The following TRIM62 variants were observed in gnomAD, a reference collection of about 807,000 sequenced individuals.
TRIM62 encodes E3 ubiquitin-protein ligase TRIM62.
TRIM62 carries 39 observed loss-of-function variants against 44.2 expected under a neutral mutation model. The ratio of observed to expected loss-of-function variants is 0.88; its 90% confidence interval spans 0.68 to 1.15. TRIM62 has a LOEUF of 1.15. Ranked by LOEUF, TRIM62 falls within the 50% of genes most tolerant of loss-of-function variation. The pLI is 0.00. For missense variants in TRIM62, 544 were observed against 665.5 expected, an observed-to-expected ratio of 0.82 and a Z score of 2.01; for synonymous variants, 278 against 292.3, an observed-to-expected ratio of 0.95 and a Z score of 0.50.
chr1:33,159,640 CGAG>C lies in TRIM62; in HGVS notation c.761+45_761+47del. On this transcript the variant is annotated intron_variant, in intron 3 of 4. Coordinates refer to ENST00000291416, the MANE Select transcript of TRIM62 (RefSeq NM_018207.3). The surrounding 1 kb of genome is among the most constrained non-coding windows in gnomAD (Gnocchi z 4.2). ...TCCACTCCCACTGCCCAGCATGGGT[CGAG>C]GAGGGGATGGTCAGCCGGGGAGGGC... 6.4e-7 allele frequency: 1 copy of C among 1,572,564 alleles called. No homozygotes were observed. Among genetic ancestry groups the C allele is most frequent in the Non-Finnish European group, 8.6e-7 (1 of 1,160,802 alleles).
chr1:33,158,473 T>C, intron 3 of TRIM62, 105 bp from the exon 4 acceptor site: 1 of 841,092 alleles, frequency 1.2e-6, no homozygotes. Context: ...GATGTGGTCA[T>C]GAGTGAGAAG....
intron 2 of TRIM62, 134 bp from the exon 3 acceptor site, chr1:33,160,078 C>A: frequency 8.7e-7 from 1 of 1,154,088 alleles, no homozygotes; most frequent in Admixed American, 2.5e-5. Flanking sequence ...GGGGAAATGT[C>A]ACATGCAAAA....
chr1:33,170,779 G>A (rs914706933), intron 1 of TRIM62, among the ~76,000 whole-genome samples: 2 of 152,174 alleles, frequency 1.3e-5, no homozygotes, highest in African/African-American at 4.8e-5. Flanking sequence ...CCATTGGGCT[G>A]TGTGACCCTA....
chr1:33,153,463 C>G (rs1338519003), intron 4 of TRIM62, among the ~76,000 whole-genome samples: 2 of 152,210 alleles, frequency 1.3e-5, no homozygotes, highest in African/African-American at 4.8e-5. Flanking sequence ...TTGGTTGTTA[C>G]AACTGAGTGG....
In TRIM62 at chr1:33,171,630, G is replaced by A. The variant is rs574539722; in HGVS notation, c.409-6064C>T. ...GTCCTTGAAAAATTTGCAGTTAGTC[G>A]AGGAGGAAGAAACTTGAATAGGTAA... On this transcript the variant is annotated intron_variant, in intron 1 of 4. Transcript: ENST00000291416. 1.8e-4 allele frequency among the ~76,000 whole-genome samples: 28 copies of A among 152,238 alleles called. 1 individual carries two copies. Among genetic ancestry groups the A allele is most frequent in the African/African-American group, 6.3e-4 (26 of 41,526 alleles).
chr1:33,181,758 A>T lies in TRIM62; in HGVS notation c.-326T>A, dbSNP rs140220578. ...AGGTTCTAGGGGGCGGGGCAGTCCTAAGGGATAGGAGCTGGGAGAAGGGGA... is the reference window on the plus strand; with the variant it reads ...AGGTTCTAGGGGGCGGGGCAGTCCTTAGGGATAGGAGCTGGGAGAAGGGGA... On this transcript the variant is annotated 5_prime_UTR_variant, in exon 1 of 5. Transcript: ENST00000291416. This position sits in a 1 kb window ranked among gnomAD's most constrained non-coding sequence, Gnocchi z 6.5. 2 of 313,208 alleles carry T rather than the reference A, an allele frequency of 6.4e-6. No homozygotes were observed. The highest frequency in any genetic ancestry group is 1.2e-5 in the Non-Finnish European group (2 of 167,624). 19.4% of individuals were successfully genotyped at this position (313,208 alleles called of 1,614,324 possible). A position where few individuals can be genotyped will look rare whatever the true frequency, so the allele number is the denominator to read the frequency against.
intron 4 of TRIM62, among the ~76,000 whole-genome samples, chr1:33,149,702 G>C (rs1645070699): frequency 1.3e-5 from 2 of 152,238 alleles, no homozygotes; most frequent in African/African-American, 4.8e-5. Flanking sequence ...TGATCCTGCT[G>C]CCTCAGCCTC....
At chr1:33,166,848 T>G (rs764290328) in intron 1 of TRIM62, among the ~76,000 whole-genome samples, 9 of 152,238 alleles carry the variant, frequency 5.9e-5, no homozygotes, top group Non-Finnish European at 1.2e-4. Flanking sequence ...GCATTGTTAG[T>G]GATCCTGGCC....
intron 4 of TRIM62, among the ~76,000 whole-genome samples, chr1:33,153,700 A>G (rs1406289530): frequency 6.6e-6 from 1 of 152,194 alleles, no homozygotes; most frequent in Non-Finnish European, 1.5e-5. Flanking sequence ...AGAGGAAGAA[A>G]CTGAAGTTCA....
At position 33,146,197 on chromosome 1, in the gene TRIM62, T is replaced by TA. The variant is rs1379886781; in HGVS notation, c.*979dup. ...TTGCAAGCCACCAGGGGCCAGGTAG[T>TA]AAATCCTTGTCTAATTAAACCAGCT... is the stretch of plus-strand genomic sequence containing the variant. On this transcript the variant is annotated 3_prime_UTR_variant, in exon 5 of 5. Coordinates refer to ENST00000291416, the MANE Select transcript of TRIM62 (RefSeq NM_018207.3). 1 of 257,106 alleles carries TA rather than the reference T, an allele frequency of 3.9e-6. No homozygotes were observed. The highest frequency in any genetic ancestry group is 7.7e-6 in the Non-Finnish European group (1 of 129,424). The allele number at this position is 257,106 out of a possible 1,614,324, so 15.9% of individuals were successfully genotyped here. A position where few individuals can be genotyped will look rare whatever the true frequency, so the allele number is the denominator to read the frequency against.
At position 33,161,494 on chromosome 1, in the gene TRIM62, T is replaced by C. The variant is rs979532870; in HGVS notation, c.505-1550A>G. On this transcript the variant is annotated intron_variant, in intron 2 of 4. Transcript: ENST00000291416. This position sits in a 1 kb window ranked among gnomAD's most constrained non-coding sequence, Gnocchi z 4.3. ...TCTACAAAGGCTCAATTAGGGCCTG[T>C]TCCCTCCCCGACGCGCGGCTGCTGG... Among the ~76,000 whole-genome samples, 1 of 152,120 alleles carries C rather than the reference T, an allele frequency of 6.6e-6. No homozygotes were observed. The highest frequency in any genetic ancestry group is 2.1e-4 in the South Asian group (1 of 4,824).
chr1:33,157,487 C>T (rs1285570086), intron 4 of TRIM62, among the ~76,000 whole-genome samples: 1 of 152,156 alleles, frequency 6.6e-6, no homozygotes, highest in East Asian at 1.9e-4. Context: ...TTCCCAGCCC[C>T]CTTCCTTATT....
intron 1 of TRIM62, chr1:33,166,223 A>G (rs1399299898): frequency 6.6e-6 from 1 of 152,294 alleles, no homozygotes; most frequent in Non-Finnish European, 1.5e-5. Flanking sequence ...CTGATCCTAC[A>G]TCATGTTGAG....
chr1:33,150,937 C>T (rs1474263187), intron 4 of TRIM62, among the ~76,000 whole-genome samples: 1 of 152,228 alleles, frequency 6.6e-6, no homozygotes, highest in African/African-American at 2.4e-5. Context: ...GGAACCTAGG[C>T]ATGATATCTA....
intron 1 of TRIM62, among the ~76,000 whole-genome samples, chr1:33,178,127 C>T (rs941384308): frequency 4.6e-5 from 7 of 152,142 alleles, no homozygotes; most frequent in Admixed American, 2.0e-4. Flanking sequence ...CCTCTGGCTT[C>T]GAGGCCTTAG....
Position 33,165,045 on chromosome 1 carries a change from G to T in TRIM62, c.504+426C>A, listed in dbSNP as rs191989595. 2.8e-3 allele frequency: 433 copies of T among 154,546 alleles called. 5 individuals carry two copies. Among genetic ancestry groups the T allele is most frequent in the African/African-American group, 0.01 (420 of 41,484 alleles). 9.6% of individuals were successfully genotyped at this position (154,546 alleles called of 1,614,324 possible). On this transcript the variant is annotated intron_variant, in intron 2 of 4. Coordinates refer to ENST00000291416, the MANE Select transcript of TRIM62 (RefSeq NM_018207.3). This position sits in a 1 kb window ranked among gnomAD's most constrained non-coding sequence, Gnocchi z 4.0. The stretch of plus-strand genomic sequence containing the variant: ...GGGCTCAAGCCATCATCTTGCCTCG[G>T]CCTCTGAAGAGACTGGGACTACAAG...
chr1:33,172,413 C>T (rs995230287), intron 1 of TRIM62, among the ~76,000 whole-genome samples: 4 of 152,020 alleles, frequency 2.6e-5, no homozygotes, highest in Admixed American at 2.6e-4. Context: ...GGGATGGCTG[C>T]AGCCAGGCAT....
At chr1:33,150,433 A>G (rs974668384) in intron 4 of TRIM62, among the ~76,000 whole-genome samples, 4 of 152,224 alleles carry the variant, frequency 2.6e-5, no homozygotes, top group Non-Finnish European at 4.4e-5. Flanking sequence ...CCAGTGACCT[A>G]TATCAAGTTC....
chr1:33,180,975 C>T, intron 1 of TRIM62, 50 bp downstream of exon 1: 1 of 836,772 alleles, frequency 1.2e-6, no homozygotes. Flanking sequence ...CCGCCCGGCC[C>T]CACCTCCAGC....
Sources: gnomAD v4.1 joint callset for allele counts (sites outside exome capture counted in the v4.1 genomes callset) on GRCh38, gnomAD v4.1.1 for gene constraint, Gnocchi (gnomAD v3.1) non-coding constraint, MANE v1.5 for transcripts, NCBI Gene and HGNC (gene_info 2026-07-23, HGNC 2026-07-21) for gene names.